Variants in NALF1 observed in about 807,000 individuals in gnomAD.
NALF1 encodes the protein family with sequence similarity 155 member A.
A neutral mutation model predicts 48.4 loss-of-function variants in NALF1; 3 were observed. The observed-to-expected ratio is 0.06, with a 90% confidence interval of 0.03 to 0.16. The LOEUF (loss-of-function observed/expected upper bound fraction) is 0.16. Among genes scored for constraint, NALF1 ranks in the 10% least tolerant of loss-of-function variants. The probability of loss-of-function intolerance (pLI) is 1.00; values close to 1 mark genes in which losing one functional copy is unlikely to be tolerated. For missense variants in NALF1, 526 were observed against 571.5 expected (o/e 0.92, Z 0.81); for synonymous variants, 262 against 245.7 (o/e 1.07, Z -0.62).
At chr13:107,399,171 A>G (rs1220038992) in intron 1 of NALF1, among the ~76,000 whole-genome samples, 1 of 151,556 alleles carries the variant, frequency 6.6e-6, no homozygotes, top group African/African-American at 2.4e-5. Flanking sequence ...TTCAGAGACC[A>G]CTCTCTCACC....
intron 1 of NALF1, among the ~76,000 whole-genome samples, chr13:107,736,166 T>G (rs1876460943): frequency 7.4e-6 from 1 of 135,224 alleles, no homozygotes. Flanking sequence ...TGCACCAAGA[T>G]GCATACGCAT....
At chr13:107,225,533 T>A (rs1880084099) in intron 1 of NALF1, among the ~76,000 whole-genome samples, 1 of 151,036 alleles carries the variant, frequency 6.6e-6, no homozygotes, top group Admixed American at 6.6e-5. Flanking sequence ...TGCATCAGCT[T>A]CCCAAAGTAC....
chr13:107,829,914 AT>A (rs1249442955), intron 1 of NALF1, among the ~76,000 whole-genome samples: 3 of 152,212 alleles, frequency 2.0e-5, no homozygotes, highest in African/African-American at 7.2e-5. Flanking sequence ...CATGCACAGT[AT>A]CACTACGTTG....
At chr13:107,442,107 G>A (rs1884570419) in intron 1 of NALF1, among the ~76,000 whole-genome samples, 1 of 152,098 alleles carries the variant, frequency 6.6e-6, no homozygotes. Flanking sequence ...AGAGCTTTAA[G>A]TGCCTGGTGA....
At chr13:107,612,440 C>G (rs1006633530) in intron 1 of NALF1, among the ~76,000 whole-genome samples, 4 of 151,998 alleles carry the variant, frequency 2.6e-5, no homozygotes, top group African/African-American at 9.7e-5. Context: ...TTGCCTGGGC[C>G]ATGGATTGCC....
intron 1 of NALF1, among the ~76,000 whole-genome samples, chr13:107,228,414 C>T (rs1016235664): frequency 6.6e-5 from 10 of 152,156 alleles, no homozygotes; most frequent in Non-Finnish European, 1.2e-4. Flanking sequence ...AAAGGTAATC[C>T]CATTATCAAA....
intron 2 of NALF1, among the ~76,000 whole-genome samples, chr13:107,197,085 G>A (rs1879406835): frequency 6.6e-6 from 1 of 152,174 alleles, no homozygotes; most frequent in Admixed American, 6.5e-5. Context: ...AGAAGAGGAA[G>A]AGATGCCTGA....
intron 1 of NALF1, among the ~76,000 whole-genome samples, chr13:107,739,426 TAA>T (rs1334001590): frequency 6.8e-6 from 1 of 147,126 alleles, no homozygotes; most frequent in Non-Finnish European, 1.5e-5. Context: ...ATATAACATA[TAA>T]AATATATAAT....
At chr13:107,204,211 A>C (rs1879586664) in intron 2 of NALF1, among the ~76,000 whole-genome samples, 1 of 152,228 alleles carries the variant, frequency 6.6e-6, no homozygotes, top group Non-Finnish European at 1.5e-5. Context: ...AGTGTCACCC[A>C]GGTGAGCTGG....
In NALF1 at chr13:107,866,825, G is replaced by T; in HGVS notation, c.-229C>A. The T allele has an allele frequency of 1.8e-6, 1 of 557,890 alleles. No individual in the cohort carries two copies. Among genetic ancestry groups the T allele is most frequent in the Non-Finnish European group, 3.1e-6 (1 of 317,574 alleles). 34.6% of individuals were successfully genotyped at this position (557,890 alleles called of 1,614,324 possible). Reference sequence around the variant, plus strand: ...TCTTTTGCCTACATAAATATTACCAGGCTTTGAAGGAAGGTCTGACTTGCT... The same window carrying T: ...TCTTTTGCCTACATAAATATTACCATGCTTTGAAGGAAGGTCTGACTTGCT... On this transcript the variant is annotated 5_prime_UTR_variant, in exon 1 of 3. It adds an upstream start codon to the 5' untranslated region. Transcript: ENST00000375915. This position sits in a 1 kb window ranked among gnomAD's most constrained non-coding sequence, Gnocchi z 4.4.
intron 1 of NALF1, among the ~76,000 whole-genome samples, chr13:107,508,700 G>A (rs1318688132): frequency 2.0e-5 from 3 of 152,078 alleles, no homozygotes; most frequent in Non-Finnish European, 4.4e-5. Context: ...ATGAGGGAAA[G>A]ACAAGCCTGG....
chr13:107,853,342 C>A (rs1594315098), intron 1 of NALF1, among the ~76,000 whole-genome samples: 1 of 152,238 alleles, frequency 6.6e-6, no homozygotes, highest in East Asian at 1.9e-4. Flanking sequence ...AGATTATTAG[C>A]CCCAGAAAAT....
At chr13:107,772,676 C>G (rs894488579) in intron 1 of NALF1, among the ~76,000 whole-genome samples, 1 of 152,092 alleles carries the variant, frequency 6.6e-6, no homozygotes, top group African/African-American at 2.4e-5. Context: ...AAAAGAAATT[C>G]TGGGGTGAAA....
At chr13:107,323,077 AC>A (rs1882287677) in intron 1 of NALF1, among the ~76,000 whole-genome samples, 1 of 152,052 alleles carries the variant, frequency 6.6e-6, no homozygotes, top group South Asian at 2.1e-4. Flanking sequence ...AAGTTTTCTG[AC>A]TTTATTAATA....
intron 1 of NALF1, among the ~76,000 whole-genome samples, chr13:107,638,649 T>A (rs1356174572): frequency 6.6e-6 from 1 of 152,064 alleles, no homozygotes; most frequent in African/African-American, 2.4e-5. Flanking sequence ...CAAACAGCAA[T>A]GAGGCAAGAG....
chr13:107,588,694 G>A (rs768457218), intron 1 of NALF1, among the ~76,000 whole-genome samples: 8 of 152,028 alleles, frequency 5.3e-5, no homozygotes, highest in Non-Finnish European at 8.8e-5. Context: ...AATTTTGACT[G>A]TGCAGAAAAA....
intron 1 of NALF1, among the ~76,000 whole-genome samples, chr13:107,315,440 T>TCTTA (rs1024755208): frequency 2.0e-5 from 3 of 152,148 alleles, no homozygotes; most frequent in Admixed American, 1.3e-4. Context: ...TGTAGCTTTC[T>TCTTA]CTTACTGACT....
chr13:107,830,295 T>C (rs1879677430), intron 1 of NALF1, among the ~76,000 whole-genome samples: 1 of 152,230 alleles, frequency 6.6e-6, no homozygotes, highest in Non-Finnish European at 1.5e-5. Context: ...TATTTGAATA[T>C]ATTAAGAATA....
At chr13:107,767,967 G>A (rs568586129) in intron 1 of NALF1, among the ~76,000 whole-genome samples, 9 of 152,082 alleles carry the variant, frequency 5.9e-5, no homozygotes, top group South Asian at 2.1e-4. Flanking sequence ...AATGATCCCC[G>A]GGCAGTCAAT....
Sources: allele counts gnomAD v4.1 joint callset (sites outside exome capture counted in the v4.1 genomes callset), GRCh38; gene constraint gnomAD v4.1.1; non-coding constraint Gnocchi (gnomAD v3.1); transcripts MANE v1.5; gene names NCBI Gene and HGNC (gene_info 2026-07-23, HGNC 2026-07-21).